SHISAL2B: variants seen among roughly 807,000 people sequenced by gnomAD.
SHISAL2B encodes shisa like 2B, also known as protein shisa-like-2B.
A neutral mutation model predicts 16.5 loss-of-function variants in SHISAL2B; 12 were observed. That is an observed-to-expected ratio of 0.73 (90% CI 0.47 to 1.18). SHISAL2B has a LOEUF of 1.18. Ranked by LOEUF, SHISAL2B falls within the 50% of genes most tolerant of loss-of-function variation. The pLI, the probability that SHISAL2B is intolerant of heterozygous loss-of-function variation, is 0.00. For missense variants in SHISAL2B, 183 were observed against 193.6 expected (o/e 0.95, Z 0.33); for synonymous variants, 72 against 75.0 (o/e 0.96, Z 0.21).
chr5:64,712,247 C>A (rs1347763756), intron 2 of SHISAL2B, among the ~76,000 whole-genome samples: 2 of 150,870 alleles, frequency 1.3e-5, no homozygotes, highest in Non-Finnish European at 3.0e-5. Context: ...TGTCTTTGTT[C>A]TTGTTGGTTT....
chr5:64,717,879 G>A lies in SHISAL2B; in HGVS notation c.350-10G>A. On this transcript the variant is annotated splice_polypyrimidine_tract_variant and intron_variant, in intron 2 of 2. Coordinates refer to ENST00000389074, the MANE Select transcript of SHISAL2B (RefSeq NM_001164442.2). Reference sequence around the variant, plus strand: ...ATTTCAAATAATTATTTTGTTTTGTGTATCTGCAGGCAAGTCAAATGGAAA... The same window carrying A: ...ATTTCAAATAATTATTTTGTTTTGTATATCTGCAGGCAAGTCAAATGGAAA... The A allele has an allele frequency of 6.7e-7, 1 of 1,499,690 alleles. No individual in the cohort carries two copies. Among genetic ancestry groups the A allele is most frequent in the Non-Finnish European group, 8.8e-7 (1 of 1,138,046 alleles). 92.9% of individuals were successfully genotyped at this position (1,499,690 alleles called of 1,614,324 possible). A position where few individuals can be genotyped will look rare whatever the true frequency, so the allele number is the denominator to read the frequency against.
At chr5:64,694,787 T>C (rs1741709199) in intron 1 of SHISAL2B, among the ~76,000 whole-genome samples, 1 of 152,234 alleles carries the variant, frequency 6.6e-6, no homozygotes, top group African/African-American at 2.4e-5. Context: ...ATTTCACATA[T>C]GTCTTTAGTG....
chr5:64,709,285 G>C (rs1487653135), intron 2 of SHISAL2B, among the ~76,000 whole-genome samples: 1 of 149,900 alleles, frequency 6.7e-6, no homozygotes, highest in Non-Finnish European at 1.5e-5. Context: ...AGAATATGTG[G>C]TGTTTGGTTT....
intron 2 of SHISAL2B, among the ~76,000 whole-genome samples, chr5:64,699,542 A>G (rs1741780923): frequency 6.6e-6 from 1 of 152,256 alleles, no homozygotes; most frequent in South Asian, 2.1e-4. Flanking sequence ...GGTTAGGAAT[A>G]TAATAGAATA....
intron 2 of SHISAL2B, among the ~76,000 whole-genome samples, chr5:64,698,563 CA>C (rs1390479414): frequency 2.6e-5 from 4 of 152,188 alleles, no homozygotes; most frequent in Non-Finnish European, 2.9e-5. Flanking sequence ...CATCTTTACT[CA>C]AAAGTTACCT....
At chr5:64,716,902 T>C (rs1409548467) in intron 2 of SHISAL2B, among the ~76,000 whole-genome samples, 2 of 152,094 alleles carry the variant, frequency 1.3e-5, no homozygotes, top group East Asian at 3.8e-4. Context: ...GCTCTTTGAA[T>C]GTTGTGCTGA....
chr5:64,715,395 T>C (rs1298061475), intron 2 of SHISAL2B, among the ~76,000 whole-genome samples: 1 of 152,106 alleles, frequency 6.6e-6, no homozygotes, highest in Non-Finnish European at 1.5e-5. Flanking sequence ...ACTAATGGAC[T>C]TCCCCTTAGG....
intron 2 of SHISAL2B, among the ~76,000 whole-genome samples, chr5:64,696,357 T>C (rs991252278): frequency 3.3e-5 from 5 of 152,194 alleles, no homozygotes; most frequent in African/African-American, 1.2e-4. Context: ...GTTTGAACAA[T>C]ATGAAATCAG....
chr5:64,707,922 C>T (rs1404200404), intron 2 of SHISAL2B, among the ~76,000 whole-genome samples: 1 of 152,072 alleles, frequency 6.6e-6, no homozygotes, highest in East Asian at 1.9e-4. Flanking sequence ...GTCACAATTT[C>T]CAAAGTTATT....
intron 2 of SHISAL2B, among the ~76,000 whole-genome samples, chr5:64,716,533 AG>A (rs1393513564): frequency 6.6e-6 from 1 of 152,200 alleles, no homozygotes; most frequent in Non-Finnish European, 1.5e-5. Context: ...GGAGAAATGG[AG>A]GACAGAAGGG....
intron 1 of SHISAL2B, among the ~76,000 whole-genome samples, chr5:64,694,441 T>G (rs1741699120): frequency 1.3e-5 from 2 of 152,152 alleles, no homozygotes; most frequent in Non-Finnish European, 2.9e-5. Flanking sequence ...AAGATAATGC[T>G]TTTTTTCCCA....
At chr5:64,715,416 G>T (rs1317593220) in intron 2 of SHISAL2B, among the ~76,000 whole-genome samples, 2 of 152,092 alleles carry the variant, frequency 1.3e-5, no homozygotes, top group African/African-American at 4.8e-5. Flanking sequence ...GAGGTTTGTG[G>T]CAGATTTTCT....
intron 1 of SHISAL2B, among the ~76,000 whole-genome samples, chr5:64,693,913 AAGTGTGTGCTTC>A (rs1382130493): frequency 1.3e-5 from 2 of 152,190 alleles, no homozygotes; most frequent in Non-Finnish European, 2.9e-5. Flanking sequence ...AGTCGACTTC[AAGTGTGTGCTTC>A]AGGAGGCAAT....
intron 2 of SHISAL2B, among the ~76,000 whole-genome samples, chr5:64,716,039 C>T (rs1202917495): frequency 1.3e-5 from 2 of 152,126 alleles, no homozygotes; most frequent in African/African-American, 2.4e-5. Context: ...CATGCTACAC[C>T]GTTGACCAAG....
chr5:64,711,452 G>A (rs1741956762), intron 2 of SHISAL2B, among the ~76,000 whole-genome samples: 1 of 144,028 alleles, frequency 6.9e-6, no homozygotes, highest in Non-Finnish European at 1.5e-5. Flanking sequence ...GTATTTTATT[G>A]AGGATTTTTG....
At chr5:64,714,086 A>G (rs1258727294) in intron 2 of SHISAL2B, among the ~76,000 whole-genome samples, 11 of 150,710 alleles carry the variant, frequency 7.3e-5, no homozygotes, top group African/African-American at 2.7e-4. Flanking sequence ...CTGGTGAGGA[A>G]CTGCGTTCCT....
chr5:64,693,745 G>A (rs1313041306), intron 1 of SHISAL2B, among the ~76,000 whole-genome samples: 1 of 152,062 alleles, frequency 6.6e-6, no homozygotes, highest in Non-Finnish European at 1.5e-5. Flanking sequence ...CCAAATATAG[G>A]GAGTCTACCT....
At chr5:64,714,339 A>G (rs1320309290) in intron 2 of SHISAL2B, among the ~76,000 whole-genome samples, 1 of 141,636 alleles carries the variant, frequency 7.1e-6, no homozygotes, top group African/African-American at 2.9e-5. Context: ...GGTGCCTCCC[A>G]GTTAGGTTGC....
chr5:64,717,027 G>A (rs990770408), intron 2 of SHISAL2B, among the ~76,000 whole-genome samples: 1 of 152,170 alleles, frequency 6.6e-6, no homozygotes, highest in African/African-American at 2.4e-5. Flanking sequence ...AGAGAAAAGA[G>A]AGGCATCAAG....
Sources: gnomAD v4.1 joint callset for allele counts (sites outside exome capture counted in the v4.1 genomes callset) on GRCh38, gnomAD v4.1.1 for gene constraint, MANE v1.5 for transcripts, NCBI Gene and HGNC (gene_info 2026-07-23, HGNC 2026-07-21) for gene names.